Variants in ALK observed in about 807,000 individuals in gnomAD.
ALK encodes the protein ALK receptor tyrosine kinase, also known as ALK tyrosine kinase receptor.
Under a neutral mutation model 163.1 loss-of-function variants are expected in ALK, and 74 were observed. That is an observed-to-expected ratio of 0.45 (90% CI 0.38 to 0.55). The LOEUF is 0.55. ALK is among the 20% of genes least tolerant of loss of function. The pLI is 0.00. For missense variants in ALK, 2,063 were observed against 2,105.3 expected, an observed-to-expected ratio of 0.98 and a Z score of 0.39; for synonymous variants, 960 against 843.2, an observed-to-expected ratio of 1.14 and a Z score of -2.40.
intron 4 of ALK, among the ~76,000 whole-genome samples, chr2:29,444,373 G>C (rs567399072): frequency 2.5e-4 from 36 of 144,364 alleles, no homozygotes; most frequent in African/African-American, 1.0e-3. Context: ...CTGCCCCGTG[G>C]GTGCTCACTG....
intron 4 of ALK, among the ~76,000 whole-genome samples, chr2:29,422,690 C>T (rs573300133): frequency 1.4e-4 from 22 of 152,198 alleles, no homozygotes; most frequent in Middle Eastern, 3.4e-3. Flanking sequence ...TAAGAAATGC[C>T]GGTGACATCT....
chr2:29,265,423 CT>C (rs1246833565), intron 11 of ALK, among the ~76,000 whole-genome samples: 1 of 152,106 alleles, frequency 6.6e-6, no homozygotes, highest in African/African-American at 2.4e-5. Flanking sequence ...ACTGAATGGT[CT>C]AGTTAGTAGG....
chr2:29,467,618 C>T (rs755838299), intron 4 of ALK, among the ~76,000 whole-genome samples: 2 of 152,160 alleles, frequency 1.3e-5, no homozygotes, highest in Non-Finnish European at 2.9e-5. Flanking sequence ...AAAGCCTATC[C>T]ACTAGACCAG....
Position 29,328,465 on chromosome 2 carries a change from G to T in ALK, c.1299C>A (p.Ser433=). The change falls in exon 6 of 29, where the codon TCC becomes TCA. Residue 433 remains serine, a synonymous_variant. Transcript: ENST00000389048. ...KNCSEGTSPG[S]KMALQSSFTC... ...TGAAGGAGCTCTGCAGGGCCATCTT[G>T]GAGCCTGGGGATGTTCCTGGAGAGC... 1 of 1,614,180 alleles carries T rather than the reference G, an allele frequency of 6.2e-7. No individual in the cohort carries two copies. Among genetic ancestry groups the T allele is most frequent in the East Asian group, 2.2e-5 (1 of 44,872 alleles).
intron 1 of ALK, among the ~76,000 whole-genome samples, chr2:29,743,169 A>G (rs1374576804): frequency 6.6e-6 from 1 of 152,204 alleles, no homozygotes; most frequent in African/African-American, 2.4e-5. Flanking sequence ...AAAAGCAACA[A>G]TCCATTTTTC....
intron 3 of ALK, among the ~76,000 whole-genome samples, chr2:29,550,663 C>T (rs1432158921): frequency 2.0e-5 from 3 of 152,146 alleles, no homozygotes; most frequent in African/African-American, 7.2e-5. Flanking sequence ...CAGACTACAT[C>T]TCAATGAAAG....
intron 4 of ALK, among the ~76,000 whole-genome samples, chr2:29,524,758 T>C (rs1232515509): frequency 1.3e-5 from 2 of 152,106 alleles, no homozygotes; most frequent in Non-Finnish European, 2.9e-5. Context: ...GATGGGTGGA[T>C]GGATGGATCA....
chr2:29,753,073 T>C (rs1385126683), intron 1 of ALK, among the ~76,000 whole-genome samples: 3 of 152,140 alleles, frequency 2.0e-5, no homozygotes, highest in Non-Finnish European at 4.4e-5. Context: ...GGCCTTTGAA[T>C]GTCACACAGT....
At chr2:29,218,121 T>C (rs56834342) in intron 23 of ALK, among the ~76,000 whole-genome samples, 8 of 152,094 alleles carry the variant, frequency 5.3e-5, no homozygotes, top group African/African-American at 1.9e-4. Context: ...AGGGCCACAA[T>C]TGGACATTTG....
intron 3 of ALK, among the ~76,000 whole-genome samples, chr2:29,600,424 G>A (rs983108300): frequency 1.3e-5 from 2 of 152,180 alleles, no homozygotes; most frequent in Non-Finnish European, 2.9e-5. Flanking sequence ...TTATCAAAGA[G>A]AAAACACATA....
At chr2:29,371,346 C>T (rs545743082) in intron 5 of ALK, among the ~76,000 whole-genome samples, 1 of 152,256 alleles carries the variant, frequency 6.6e-6, no homozygotes, top group African/African-American at 2.4e-5. Flanking sequence ...CTAGGCTATG[C>T]CCCTCGGCTA....
chr2:29,548,106 T>A (rs776077013), intron 3 of ALK, among the ~76,000 whole-genome samples: 1 of 152,170 alleles, frequency 6.6e-6, no homozygotes, highest in Non-Finnish European at 1.5e-5. Flanking sequence ...AATATGAACA[T>A]AATGCCTGGA....
chr2:29,765,820 T>A lies in ALK; in HGVS notation c.668-48123A>T, dbSNP rs537557244. ...AGCTCTCTGTTTTTTTAAGCCCTTA[T>A]TTGTAGTATTTGGCAATTTCCATAA... is the stretch of plus-strand genomic sequence containing the variant. On this transcript the variant is annotated intron_variant, in intron 1 of 28. Coordinates refer to ENST00000389048, the MANE Select transcript of ALK (RefSeq NM_004304.5). Among the ~76,000 whole-genome samples the A allele has an allele frequency of 7.9e-4, 121 of 152,290 alleles. No individual in the cohort carries two copies. In the Middle Eastern group the frequency reaches 0.01, roughly 13 times the overall value.
At chr2:29,294,093 C>T (rs1305386645) in intron 9 of ALK, among the ~76,000 whole-genome samples, 2 of 152,134 alleles carry the variant, frequency 1.3e-5, no homozygotes, top group African/African-American at 2.4e-5. Flanking sequence ...GGGCAGGTGG[C>T]GCCAGGTGTT....
At chr2:29,351,047 C>G (rs1329939938) in intron 5 of ALK, among the ~76,000 whole-genome samples, 1 of 152,096 alleles carries the variant, frequency 6.6e-6, no homozygotes. Context: ...TCTGAGAAAC[C>G]CTGGACTGGA....
chr2:29,668,806 C>T (rs890278041), intron 3 of ALK, among the ~76,000 whole-genome samples: 2 of 152,102 alleles, frequency 1.3e-5, no homozygotes, highest in Non-Finnish European at 2.9e-5. Context: ...CTCACAGTTT[C>T]ACATGGCTGC....
At chr2:29,220,921 C>T (rs1669785406) in intron 22 of ALK, 86 bp from the exon 23 acceptor site, 1 of 1,573,056 alleles carries the variant, frequency 6.4e-7, no homozygotes, top group Non-Finnish European at 8.7e-7. Flanking sequence ...TACAAAGTTA[C>T]ATTTTCAGCA....
At chr2:29,575,187 G>C (rs1674489205) in intron 3 of ALK, among the ~76,000 whole-genome samples, 2 of 152,182 alleles carry the variant, frequency 1.3e-5, no homozygotes. Flanking sequence ...TTATAAGGGT[G>C]AACGGTGTTG....
At chr2:29,193,993 G>C in intron 28 of ALK, 71 bp from the exon 29 acceptor site, 1 of 1,411,964 alleles carries the variant, frequency 7.1e-7, no homozygotes, top group Non-Finnish European at 1.0e-6. Flanking sequence ...ATACCTTAGA[G>C]ATGATGTTAT....
Sources: allele counts gnomAD v4.1 joint callset (sites outside exome capture counted in the v4.1 genomes callset), GRCh38; gene constraint gnomAD v4.1.1; transcripts MANE v1.5; gene names NCBI Gene and HGNC (gene_info 2026-07-23, HGNC 2026-07-21).